The following TMEM217 variants were observed in gnomAD, a reference collection of about 807,000 sequenced individuals.
TMEM217 encodes chromosome 6 open reading frame 128.
For synonymous variants in TMEM217, 76 were observed against 88.3 expected (o/e 0.86, Z 0.78); for missense variants, 204 against 248.8 (o/e 0.82, Z 1.21).
At chr6:37,229,025 T>C (rs980167471) in intron 1 of TMEM217, among the ~76,000 whole-genome samples, 1 of 151,512 alleles carries the variant, frequency 6.6e-6, no homozygotes, top group Non-Finnish European at 1.5e-5. Context: ...AAAATAACAA[T>C]AATAATAATA....
chr6:37,232,710 C>T (rs1764272939), intron 1 of TMEM217, among the ~76,000 whole-genome samples: 1 of 152,206 alleles, frequency 6.6e-6, no homozygotes, highest in African/African-American at 2.4e-5. Context: ...TATCTTTCCT[C>T]CTCTACCCTG....
intron 1 of TMEM217, among the ~76,000 whole-genome samples, chr6:37,224,308 A>T (rs894898843): frequency 2.7e-5 from 4 of 149,248 alleles, no homozygotes; most frequent in Non-Finnish European, 5.9e-5. Context: ...TAAAAAAGAA[A>T]TTTTTTTTAG....
At chr6:37,226,448 G>A (rs1279168712) in intron 1 of TMEM217, among the ~76,000 whole-genome samples, 4 of 150,936 alleles carry the variant, frequency 2.7e-5, no homozygotes, top group African/African-American at 7.3e-5. Flanking sequence ...GCCTGCCACG[G>A]CGCCCAGCTA....
chr6:37,221,475 C>T (rs140068881), intron 1 of TMEM217, among the ~76,000 whole-genome samples: 3,909 of 152,256 alleles, frequency 0.026, 101 homozygotes, highest in East Asian at 0.095. Flanking sequence ...GGGTGAGCCA[C>T]CCCACCTGGC....
chr6:37,247,598 G>C (rs1188024891), intron 1 of TMEM217, among the ~76,000 whole-genome samples: 2 of 152,080 alleles, frequency 1.3e-5, no homozygotes, highest in Admixed American at 1.3e-4. Flanking sequence ...ATGTTGGCCA[G>C]GATGGTCTCG....
intron 1 of TMEM217, among the ~76,000 whole-genome samples, chr6:37,230,561 A>C (rs1764141080): frequency 6.6e-6 from 1 of 152,218 alleles, no homozygotes; most frequent in Non-Finnish European, 1.5e-5. Flanking sequence ...ACAGACACAC[A>C]GAGAGGGATG....
chr6:37,254,683 C>G (rs1583501182), intron 1 of TMEM217, among the ~76,000 whole-genome samples: 1 of 152,292 alleles, frequency 6.6e-6, no homozygotes, highest in South Asian at 2.1e-4. Flanking sequence ...CCTTCTTTCA[C>G]TCAGTAAATA....
At chr6:37,219,194 TTAAAA>T (rs757367360) in intron 1 of TMEM217, among the ~76,000 whole-genome samples, 153 bp from the exon 2 acceptor site, 1 of 152,114 alleles carries the variant, frequency 6.6e-6, no homozygotes, top group Non-Finnish European at 1.5e-5. Context: ...CACAGGCTGT[TTAAAA>T]TAGATTGGGG....
chr6:37,246,172 TCTC>T (rs1422597820), intron 1 of TMEM217, among the ~76,000 whole-genome samples: 1 of 152,110 alleles, frequency 6.6e-6, no homozygotes, highest in East Asian at 1.9e-4. Flanking sequence ...CTCTTCTACT[TCTC>T]CTCTAATTCT....
At chr6:37,252,468 T>C (rs9766294) in intron 1 of TMEM217, among the ~76,000 whole-genome samples, 3 of 151,774 alleles carry the variant, frequency 2.0e-5, no homozygotes, top group Non-Finnish European at 4.4e-5. Context: ...TACATACATG[T>C]ATACATACAT....
At chr6:37,230,342 C>T (rs1327940860) in intron 1 of TMEM217, among the ~76,000 whole-genome samples, 3 of 152,158 alleles carry the variant, frequency 2.0e-5, no homozygotes, top group Non-Finnish European at 4.4e-5. Context: ...AGGTGTGATA[C>T]GAGGGGGCAA....
At chr6:37,225,257 T>G (rs1201707426) in intron 1 of TMEM217, among the ~76,000 whole-genome samples, 1 of 152,072 alleles carries the variant, frequency 6.6e-6, no homozygotes, top group African/African-American at 2.4e-5. Flanking sequence ...TATTTGGGAT[T>G]GTGGTTACTT....
intron 1 of TMEM217, among the ~76,000 whole-genome samples, chr6:37,255,194 G>T (rs960908414): frequency 6.6e-6 from 1 of 152,150 alleles, no homozygotes; most frequent in East Asian, 1.9e-4. Flanking sequence ...GAAAAATAGA[G>T]CCAGGCAATA....
intron 1 of TMEM217, among the ~76,000 whole-genome samples, chr6:37,241,675 A>AT (rs1484685978): frequency 6.6e-6 from 1 of 152,000 alleles, no homozygotes; most frequent in African/African-American, 2.4e-5. Flanking sequence ...GAGAGATTGA[A>AT]TTTTTTTCTA....
downstream of TMEM217, among the ~76,000 whole-genome samples, chr6:37,213,783 C>T (rs376940126): frequency 4.6e-5 from 7 of 152,238 alleles, no homozygotes; most frequent in Admixed American, 3.3e-4. Context: ...ACAGCGCAAA[C>T]GTTCCTCCAC....
At chr6:37,219,279 C>A (rs1306860841) in intron 1 of TMEM217, among the ~76,000 whole-genome samples, 5 of 152,140 alleles carry the variant, frequency 3.3e-5, no homozygotes, top group African/African-American at 1.2e-4. Flanking sequence ...TGGTTCTCAA[C>A]CCTGGATCCA....
intron 1 of TMEM217, among the ~76,000 whole-genome samples, chr6:37,243,429 G>A (rs1341878122): frequency 6.6e-6 from 1 of 152,190 alleles, no homozygotes; most frequent in Admixed American, 6.5e-5. Context: ...TCTTCCCAGT[G>A]TAATTGCCCA....
chr6:37,212,494 C>T (rs760157961), exon 4 of TMEM217: 36 of 456,126 alleles, frequency 7.9e-5, no homozygotes, highest in South Asian at 4.8e-4. Flanking sequence ...GAGCCTGTGG[C>T]GGCGTTTCCT....
At chr6:37,248,585 C>T (rs1490142902) in intron 1 of TMEM217, among the ~76,000 whole-genome samples, 1 of 152,208 alleles carries the variant, frequency 6.6e-6, no homozygotes, top group Admixed American at 6.5e-5. Flanking sequence ...TGAGGGTCCT[C>T]AGGCAAGCCT....
Sources: gnomAD v4.1 joint callset for allele counts (sites outside exome capture counted in the v4.1 genomes callset) on GRCh38, gnomAD v4.1.1 for gene constraint, MANE v1.5 for transcripts, NCBI Gene and HGNC (gene_info 2026-07-23, HGNC 2026-07-21) for gene names.